The following PRR16 variants were observed in gnomAD, a reference collection of about 807,000 sequenced individuals.
The protein encoded by PRR16 is proline rich 16.
PRR16 carries 6 observed loss-of-function variants against 18.2 expected under a neutral mutation model. The ratio of observed to expected loss-of-function variants is 0.33; its 90% CI spans 0.18 to 0.65. The LOEUF (loss-of-function observed/expected upper bound fraction) is 0.65. PRR16 is among the 30% of genes least tolerant of loss of function. The pLI, the probability that PRR16 is intolerant of heterozygous loss-of-function variation, is 0.74. For missense variants in PRR16, 412 were observed against 376.6 expected (o/e 1.09, Z -0.78); for synonymous variants, 151 against 147.8 (o/e 1.02, Z -0.16).
chr5:120,510,915 A>C (rs534044200), intron 1 of PRR16, among the ~76,000 whole-genome samples: 162 of 152,254 alleles, frequency 1.1e-3, no homozygotes, highest in African/African-American at 3.9e-3. Context: ...CCTCATCCCT[A>C]CTTGCCTGGG....
At chr5:120,705,208 G>C in the PRR16 span, among the ~76,000 whole-genome samples, 1 of 151,910 alleles carries the variant, frequency 6.6e-6, no homozygotes, top group African/African-American at 2.4e-5. Flanking sequence ...AAGTGATTAT[G>C]TATATATAAT....
In PRR16 at chr5:120,594,671, C is replaced by G. The variant is rs980067378; in HGVS notation, c.160-91283C>G. On this transcript the variant is annotated intron_variant, in intron 1 of 1. Transcript: ENST00000407149. Reference sequence around the variant, plus strand: ...CCAAGGCAATCCTAAGCAAAAAGAACAAAGCTGGAGGCATCATGCTGCCTG... The same window carrying G: ...CCAAGGCAATCCTAAGCAAAAAGAAGAAAGCTGGAGGCATCATGCTGCCTG... Among the ~76,000 whole-genome samples, 5 of 152,032 alleles carry G rather than the reference C, an allele frequency of 3.3e-5. No homozygotes were observed. The East Asian group carries it at 9.6e-4, about 29-fold the overall frequency.
intron 1 of PRR16, among the ~76,000 whole-genome samples, chr5:120,468,831 CTTG>C: frequency 6.6e-6 from 1 of 152,128 alleles, no homozygotes; most frequent in Admixed American, 6.5e-5. Context: ...TTGAGCTTTT[CTTG>C]TAGTGTTTAT....
intron 1 of PRR16, among the ~76,000 whole-genome samples, chr5:120,661,983 A>G (rs900992769): frequency 2.4e-4 from 37 of 152,230 alleles, no homozygotes; most frequent in Non-Finnish European, 3.2e-4. Context: ...GGGTATCCAC[A>G]TATGTACATA....
rs190671420 is a variant in PRR16, at chr5:120,576,365, G to C, written c.160-109589G>C. On this transcript the variant is annotated intron_variant, in intron 1 of 1. Transcript: ENST00000407149. ...AAAACTGGACAGCAGTTCCTGAGTA[G>C]ATATTTCTCAAAAGAAGATACATAA... 2.4e-3 allele frequency among the ~76,000 whole-genome samples: 371 copies of C among 152,218 alleles called. 1 individual carries two copies. The highest frequency in any genetic ancestry group is 3.8e-3 in the Non-Finnish European group (257 of 68,008).
At chr5:120,649,854 A>G (rs1173817564) in intron 1 of PRR16, among the ~76,000 whole-genome samples, 2 of 152,132 alleles carry the variant, frequency 1.3e-5, no homozygotes, top group African/African-American at 4.8e-5. Context: ...AAATTAAATT[A>G]TATAACTTAT....
chr5:120,538,711 A>G (rs1751810556), intron 1 of PRR16, among the ~76,000 whole-genome samples: 1 of 152,218 alleles, frequency 6.6e-6, no homozygotes, highest in Non-Finnish European at 1.5e-5. Flanking sequence ...AGTTGCAGAA[A>G]AAAAGAAGGT....
Position 120,678,549 on chromosome 5 carries a change from T to C in PRR16, c.160-7405T>C, listed in dbSNP as rs115793573. ...ATGTTCTGAGGGGAATACACATAAA[T>C]AGACAGTCCCAATACATTAAGGCAA... On this transcript the variant is annotated intron_variant, in intron 1 of 1. Coordinates refer to ENST00000407149, the MANE Select transcript of PRR16 (RefSeq NM_001300783.2). Among the ~76,000 whole-genome samples the C allele has an allele frequency of 9.1e-3, 1,379 of 152,222 alleles. 25 individuals are homozygous for C. The highest frequency in any genetic ancestry group is 0.032 in the African/African-American group (1,324 of 41,530).
chr5:120,657,111 A>T (rs937724747), intron 1 of PRR16, among the ~76,000 whole-genome samples: 1 of 151,966 alleles, frequency 6.6e-6, no homozygotes, highest in African/African-American at 2.4e-5. Flanking sequence ...TATTTCTTTT[A>T]ACTTGCTGAG....
the PRR16 span, among the ~76,000 whole-genome samples, chr5:120,711,802 C>T: frequency 1.3e-5 from 2 of 152,142 alleles, no homozygotes; most frequent in South Asian, 4.1e-4. Flanking sequence ...TCTTTTCCTC[C>T]AAATTCACCA....
chr5:120,529,291 C>T (rs975976190), intron 1 of PRR16, among the ~76,000 whole-genome samples: 2 of 152,000 alleles, frequency 1.3e-5, no homozygotes, highest in African/African-American at 2.4e-5. Context: ...TCACTACTAG[C>T]GAAGAGATAC....
intron 1 of PRR16, among the ~76,000 whole-genome samples, chr5:120,538,486 A>G (rs1751800907): frequency 6.6e-6 from 1 of 152,232 alleles, no homozygotes; most frequent in Admixed American, 6.5e-5. Flanking sequence ...AATTTATTGG[A>G]TACACATACT....
intron 1 of PRR16, among the ~76,000 whole-genome samples, chr5:120,641,280 T>C (rs1424059241): frequency 6.6e-6 from 1 of 152,106 alleles, no homozygotes; most frequent in African/African-American, 2.4e-5. Flanking sequence ...AACAGTTAAG[T>C]TTTGATACCT....
At chr5:120,659,367 A>C (rs1215549147) in intron 1 of PRR16, among the ~76,000 whole-genome samples, 1 of 151,890 alleles carries the variant, frequency 6.6e-6, no homozygotes, top group Non-Finnish European at 1.5e-5. Flanking sequence ...ATAATTTGGC[A>C]ATTTTTAAAT....
intron 1 of PRR16, among the ~76,000 whole-genome samples, chr5:120,479,611 G>A (rs2601210): frequency 6.6e-6 from 1 of 151,694 alleles, no homozygotes; most frequent in Admixed American, 6.6e-5. Context: ...TAAAAAATGA[G>A]TCAAAGAAAA....
At chr5:120,494,684 C>T (rs1210855034) in intron 1 of PRR16, among the ~76,000 whole-genome samples, 1 of 151,816 alleles carries the variant, frequency 6.6e-6, no homozygotes, top group African/African-American at 2.4e-5. Context: ...AGAACCTAGC[C>T]CTAAATTCTG....
At chr5:120,574,587 G>A (rs530665091) in intron 1 of PRR16, among the ~76,000 whole-genome samples, 1 of 136,462 alleles carries the variant, frequency 7.3e-6, no homozygotes, top group East Asian at 1.9e-4. Flanking sequence ...GGGAAAGAGA[G>A]CAAGACTCTG....
At chr5:120,560,833 T>G (rs1752552059) in intron 1 of PRR16, among the ~76,000 whole-genome samples, 1 of 152,064 alleles carries the variant, frequency 6.6e-6, no homozygotes, top group Admixed American at 6.6e-5. Context: ...AGGTTATGGA[T>G]TTCTTACTGG....
At chr5:120,682,129 C>T (rs1469210734) in intron 1 of PRR16, among the ~76,000 whole-genome samples, 1 of 152,178 alleles carries the variant, frequency 6.6e-6, no homozygotes, top group Non-Finnish European at 1.5e-5. Flanking sequence ...CTCACAGTGC[C>T]CTTGAGCCAA....
Sources: allele counts gnomAD v4.1 joint callset (sites outside exome capture counted in the v4.1 genomes callset), GRCh38; gene constraint gnomAD v4.1.1; transcripts MANE v1.5; gene names NCBI Gene and HGNC (gene_info 2026-07-23, HGNC 2026-07-21).